PCDHA5: variants seen among roughly 807,000 people sequenced by gnomAD.
PCDHA5 encodes protocadherin alpha-5.
A neutral mutation model predicts 61.6 loss-of-function variants in PCDHA5; 43 were observed. That is an observed-to-expected ratio of 0.70 (90% CI 0.55 to 0.90). The LOEUF (loss-of-function observed/expected upper bound fraction) is 0.90. PCDHA5 is among the 40% of genes least tolerant of loss of function. The probability of loss-of-function intolerance (pLI) is 0.00; values close to 1 mark genes in which losing one functional copy is unlikely to be tolerated. For missense variants in PCDHA5, 1,298 were observed against 1,222.7 expected (o/e 1.06, Z -0.92); for synonymous variants, 627 against 543.9 (o/e 1.15, Z -2.13).
chr5:140,887,537 C>A (rs530539711), intron 1 of PCDHA5, among the ~76,000 whole-genome samples: 7 of 152,132 alleles, frequency 4.6e-5, no homozygotes, highest in African/African-American at 7.2e-5. Flanking sequence ...TTCCTCTCCC[C>A]ACCCCTCATG....
intron 3 of PCDHA5, among the ~76,000 whole-genome samples, chr5:141,007,768 A>C (rs1457934171): frequency 2.0e-5 from 3 of 152,212 alleles, no homozygotes; most frequent in Non-Finnish European, 2.9e-5. Context: ...ATTGGCCTGG[A>C]AATGGTACTG....
chr5:140,862,339 C>T (rs1221529489), intron 1 of PCDHA5: 2 of 332,834 alleles, frequency 6.0e-6, no homozygotes, highest in Non-Finnish European at 1.2e-5. Context: ...TTGACCCTAA[C>T]TTCAGTGCCA....
chr5:141,001,058 A>G (rs1554257985), intron 3 of PCDHA5, among the ~76,000 whole-genome samples: 2 of 152,146 alleles, frequency 1.3e-5, no homozygotes, highest in African/African-American at 4.8e-5. Flanking sequence ...TAAATCATTT[A>G]AAATTAAATA....
Position 140,851,214 on chromosome 5 carries a change from A to G in PCDHA5, c.2352+27087A>G. ...AGTTGTTAGTCATTCATTAAACATT[A>G]ACATCACTATCATTTATTTATTGCT... On this transcript the variant is annotated intron_variant, in intron 1 of 3. Coordinates refer to ENST00000529859, the MANE Select transcript of PCDHA5 (RefSeq NM_018908.3). The G allele has an allele frequency of 6.9e-6, 8 of 1,159,680 alleles. 1 individual carries two copies. The highest frequency in any genetic ancestry group is 7.7e-6 in the Non-Finnish European group (7 of 905,618). 71.8% of individuals were successfully genotyped at this position (1,159,680 alleles called of 1,614,324 possible).
chr5:140,883,096 T>G (rs2059436763), intron 1 of PCDHA5: 1 of 1,614,006 alleles, frequency 6.2e-7, no homozygotes, highest in Non-Finnish European at 8.5e-7. Flanking sequence ...CAAATGGAGA[T>G]ATAGTTTACT....
intron 1 of PCDHA5, among the ~76,000 whole-genome samples, chr5:140,901,473 A>C (rs1554189862): frequency 1.3e-5 from 2 of 152,012 alleles, no homozygotes. Flanking sequence ...TCTCGAGTTT[A>C]TGTTCTTGGC....
chr5:140,905,120 G>T (rs1191513318), intron 1 of PCDHA5, among the ~76,000 whole-genome samples: 3 of 152,214 alleles, frequency 2.0e-5, no homozygotes, highest in African/African-American at 7.2e-5. Flanking sequence ...CTAAGCCAAT[G>T]TCTAGAAGAG....
Position 140,823,629 on chromosome 5 carries a change from C to T in PCDHA5, c.1854C>T (p.Arg618=). The part of the protein sequence containing the change: ...YELQPAPGSA[R]IPFRVGLYTG... ...TGCAGCCAGCGCCTGGCAGTGCGCG[C>T]ATCCCGTTCCGCGTGGGGCTGTACA... Residue 618 remains arginine (R), a synonymous_variant, in exon 1 of 4, where the codon CGC becomes CGT. Coordinates refer to ENST00000529859, the MANE Select transcript of PCDHA5 (RefSeq NM_018908.3). The T allele has an allele frequency of 6.2e-7, 1 of 1,614,064 alleles. No individual in the cohort carries two copies. Among genetic ancestry groups the T allele is most frequent in the Non-Finnish European group, 8.5e-7 (1 of 1,179,966 alleles).
chr5:140,938,991 T>C (rs2092291799), intron 1 of PCDHA5, among the ~76,000 whole-genome samples: 2 of 152,230 alleles, frequency 1.3e-5, no homozygotes, highest in South Asian at 2.1e-4. Context: ...TGGCTTTATA[T>C]AGTAAGTTAA....
At chr5:140,914,360 T>C (rs782101976) in intron 1 of PCDHA5, among the ~76,000 whole-genome samples, 10 of 152,218 alleles carry the variant, frequency 6.6e-5, no homozygotes, top group Non-Finnish European at 1.5e-4. Context: ...GTTTTTGTCT[T>C]GAGATCTATT....
intron 1 of PCDHA5, chr5:140,868,258 G>T (rs2153230939): frequency 6.6e-6 from 1 of 151,964 alleles, no homozygotes; most frequent in East Asian, 1.9e-4. Context: ...TTCCTTTGTG[G>T]ATTCTTTTTT....
intron 1 of PCDHA5, among the ~76,000 whole-genome samples, chr5:140,947,165 T>C (rs1034105702): frequency 6.6e-6 from 1 of 151,228 alleles, no homozygotes. Context: ...GGGTAGAAAA[T>C]GTGGTATATA....
chr5:140,841,146 C>T, intron 1 of PCDHA5: 1 of 755,204 alleles, frequency 1.3e-6, no homozygotes, highest in Non-Finnish European at 2.1e-6. Flanking sequence ...CACATGATGT[C>T]GCTGTCTACC....
At chr5:140,868,911 G>T in intron 1 of PCDHA5, 1 of 892,226 alleles carries the variant, frequency 1.1e-6, no homozygotes. Flanking sequence ...CTCTTTACTT[G>T]GTGGAAAGTT....
chr5:140,841,640 G>T, intron 1 of PCDHA5: 1 of 1,614,170 alleles, frequency 6.2e-7, no homozygotes, highest in Non-Finnish European at 8.5e-7. Context: ...CATCCACCTG[G>T]AGGTGATCGT....
chr5:140,827,227 G>A (rs1355140573), intron 1 of PCDHA5, among the ~76,000 whole-genome samples: 1 of 152,144 alleles, frequency 6.6e-6, no homozygotes, highest in Non-Finnish European at 1.5e-5. Flanking sequence ...GAAAGGATAT[G>A]GGACAGGGTT....
intron 1 of PCDHA5, chr5:140,850,770 T>C (rs2150497616): frequency 6.3e-7 from 1 of 1,598,038 alleles, no homozygotes; most frequent in Non-Finnish European, 8.6e-7. Flanking sequence ...GCAGAGGGTG[T>C]GCTCTGGCGA....
chr5:140,836,230 C>T, intron 1 of PCDHA5: 5 of 1,613,786 alleles, frequency 3.1e-6, no homozygotes, highest in Non-Finnish European at 4.2e-6. Context: ...CCGGTGGCGG[C>T]CGGTGCGAGC....
rs772485263 is a variant in PCDHA5 at position 140,822,583 on chromosome 5, G to A, written c.808G>A (p.Glu270Lys). ...VIKLNASDAD[E>K]GINKEIVYFF... ...TAAACTGAACGCCTCAGATGCAGAT[G>A]AGGGCATCAATAAGGAAATAGTGTA... Residue 270 changes from glutamate (E) to lysine (K), a missense_variant, in exon 1 of 4, where the codon GAG becomes AAG. By Grantham distance (56) the Glu-to-Lys change is moderately conservative (BLOSUM62 1). Coordinates refer to ENST00000529859, the MANE Select transcript of PCDHA5 (RefSeq NM_018908.3). 1 of 1,612,276 alleles carries A rather than the reference G, an allele frequency of 6.2e-7. No individual in the cohort carries two copies. The highest frequency in any genetic ancestry group is 8.5e-7 in the Non-Finnish European group (1 of 1,178,520).
Sources: allele counts gnomAD v4.1 joint callset (sites outside exome capture counted in the v4.1 genomes callset), GRCh38; gene constraint gnomAD v4.1.1; transcripts MANE v1.5; gene names NCBI Gene and HGNC (gene_info 2026-07-23, HGNC 2026-07-21).